Variants in URB1 observed in about 807,000 individuals in gnomAD.
URB1 encodes the protein nucleolar pre-ribosomal-associated protein 1.
Under a neutral mutation model 242.3 loss-of-function variants are expected in URB1, and 197 were observed. The observed-to-expected ratio is 0.81, with a 90% CI of 0.72 to 0.91. URB1 has a LOEUF of 0.91. URB1 is among the 40% of genes least tolerant of loss of function. The pLI is 0.00. For synonymous variants in URB1, 1,153 were observed against 1,201.8 expected, an observed-to-expected ratio of 0.96 and a Z score of 0.84; for missense variants, 2,721 against 2,860.5, an observed-to-expected ratio of 0.95 and a Z score of 1.11.
At chr21:32,339,814 C>G (rs2033008097) in intron 25 of URB1, among the ~76,000 whole-genome samples, 1 of 151,794 alleles carries the variant, frequency 6.6e-6, no homozygotes, top group South Asian at 2.1e-4. Flanking sequence ...TTCTTTATGA[C>G]TCAAACACCA....
At position 32,345,888 on chromosome 21, in the gene URB1, A is replaced by C. The variant is rs146862713; in HGVS notation, c.3869-313T>G. Among the ~76,000 whole-genome samples, 331 of 152,272 alleles carry C rather than the reference A, an allele frequency of 2.2e-3. 1 individual carries two copies. Among genetic ancestry groups the C allele is most frequent in the Non-Finnish European group, 3.3e-3 (222 of 68,002 alleles). On this transcript the variant is annotated intron_variant, in intron 22 of 38. Transcript: ENST00000382751. ...ATGAGTGCCAAGGTTCTCAATTCAT[A>C]TGGGATTCATTCTTCAAAGCCATGG...
rs368817965 is a variant in URB1, at chr21:32,392,998, G to A, written c.-88C>T. ...CACAGACAGCAGACACGCGCTTCAG[G>A]CCCACATGGCGCAGGAAGAGGCGGG... On this transcript the variant is annotated 5_prime_UTR_variant, in exon 1 of 39. Coordinates refer to ENST00000382751, the MANE Select transcript of URB1 (RefSeq NM_014825.3). The A allele has an allele frequency of 7.9e-6, 11 of 1,392,958 alleles. No homozygotes were observed. The highest frequency in any genetic ancestry group is 3.0e-5 in the Admixed American group (1 of 33,552). 86.3% of individuals were successfully genotyped at this position (1,392,958 alleles called of 1,614,324 possible).
At position 32,345,423 on chromosome 21, in the gene URB1, G is replaced by A. The variant is rs905597987; in HGVS notation, c.4021C>T (p.Leu1341Phe). The A allele has an allele frequency of 8.4e-6, 13 of 1,551,526 alleles. No individual in the cohort carries two copies. The highest frequency in any genetic ancestry group is 1.0e-5 in the Non-Finnish European group (12 of 1,146,980). The part of the protein sequence containing the change: ...PFARAKDLSV[L>F]MDRLPSLLHT... ...AGCAAGCTGGGCAGGCGGTCCATGA[G>A]TACACTGAGATCCTTGGCTCGTGCA... The change falls in exon 23 of 39, where the codon CTC becomes TTC. Residue 1341 changes from leucine (L) to phenylalanine (F), a missense_variant. Coordinates refer to ENST00000382751, the MANE Select transcript of URB1 (RefSeq NM_014825.3).
chr21:32,359,948 G>A, intron 13 of URB1, 40 bp from the exon 14 acceptor site: 1 of 1,534,452 alleles, frequency 6.5e-7, no homozygotes, highest in Non-Finnish European at 8.8e-7. Context: ...AAGTCACATG[G>A]ACGTGGGTGC....
intron 1 of URB1, among the ~76,000 whole-genome samples, chr21:32,386,426 C>T (rs1001709725): frequency 2.2e-4 from 34 of 152,206 alleles, no homozygotes; most frequent in African/African-American, 7.2e-4. Flanking sequence ...GCCTTGATCG[C>T]GGACGTGGCC....
chr21:32,337,047 G>A, intron 28 of URB1, 47 bp downstream of exon 28: 4 of 1,517,240 alleles, frequency 2.6e-6, no homozygotes, highest in Non-Finnish European at 3.6e-6. Context: ...TGTGTGGAGA[G>A]CAGGCTGTGA....
At chr21:32,352,207 T>C (rs955239489) in intron 19 of URB1, among the ~76,000 whole-genome samples, 2 of 152,182 alleles carry the variant, frequency 1.3e-5, no homozygotes, top group African/African-American at 4.8e-5. Flanking sequence ...CCCTGCACAT[T>C]GGAGCCAGAA....
chr21:32,337,457 C>T lies in URB1; in HGVS notation c.4568G>A (p.Ser1523Asn). 3 of 1,550,764 alleles carry T rather than the reference C, an allele frequency of 1.9e-6. No individual in the cohort carries two copies. Among genetic ancestry groups the T allele is most frequent in the African/African-American group, 2.7e-5 (2 of 73,078 alleles). Residue 1523 changes from serine to asparagine, a missense_variant, in exon 27 of 39, where the codon AGC becomes AAC. Transcript: ENST00000382751. ...VVEMCPSVCE[S>N]SHFAVLLGAY... ...CCCGAGAAGCACTGCAAAGTGGCTG[C>T]TCTCACAGACAGAGGGGCACATCTC...
At chr21:32,386,263 T>C (rs2033583044) in intron 1 of URB1, among the ~76,000 whole-genome samples, 1 of 152,130 alleles carries the variant, frequency 6.6e-6, no homozygotes, top group South Asian at 2.1e-4. Context: ...GGTGAGGTCC[T>C]GATCTAACAG....
chr21:32,365,070 G>A (rs1276792583), intron 10 of URB1, among the ~76,000 whole-genome samples: 1 of 152,230 alleles, frequency 6.6e-6, no homozygotes, highest in African/African-American at 2.4e-5. Context: ...AAACAACACT[G>A]TGAGAGGAGG....
chr21:32,335,373 T>G (rs1407217737), intron 28 of URB1: 2 of 152,288 alleles, frequency 1.3e-5, no homozygotes, highest in African/African-American at 4.8e-5. Context: ...GGTGCTCCTG[T>G]AAGAGCTGGT....
intron 30 of URB1, 153 bp downstream of exon 30, chr21:32,333,164 G>C (rs1048554117): frequency 4.3e-6 from 3 of 697,022 alleles, no homozygotes; most frequent in African/African-American, 1.8e-5. Context: ...AAAATCACTG[G>C]AATGAACAGA....
intron 8 of URB1, among the ~76,000 whole-genome samples, chr21:32,370,694 C>G (rs7278180): frequency 0.15 from 22,869 of 152,170 alleles, 2,321 homozygotes; most frequent in African/African-American, 0.29. Context: ...CCTACACCAG[C>G]GACTGGCAAA....
At chr21:32,334,065 A>G (rs915979419) in intron 29 of URB1, 98 bp downstream of exon 29, 8 of 1,364,428 alleles carry the variant, frequency 5.9e-6, no homozygotes, top group African/African-American at 1.5e-5. Context: ...TTACTTAATA[A>G]AAAGGTAAAT....
chr21:32,369,972 T>C (rs1315799957), intron 8 of URB1, among the ~76,000 whole-genome samples: 3 of 63,502 alleles, frequency 4.7e-5, no homozygotes, highest in East Asian at 6.2e-4. Flanking sequence ...CGAGTCTCCA[T>C]CTCAAAAAAA....
intron 8 of URB1, among the ~76,000 whole-genome samples, chr21:32,369,981 A>G (rs2123608891): frequency 6.6e-6 from 1 of 151,310 alleles, no homozygotes; most frequent in South Asian, 2.1e-4. Context: ...ATCTCAAAAA[A>G]AAAAAAAAAA....
At chr21:32,323,035 G>A (rs2032786605) in intron 32 of URB1, among the ~76,000 whole-genome samples, 1 of 152,228 alleles carries the variant, frequency 6.6e-6, no homozygotes, top group Non-Finnish European at 1.5e-5. Flanking sequence ...CAGCAACGCA[G>A]AGGGCAACGG....
intron 30 of URB1, among the ~76,000 whole-genome samples, chr21:32,330,064 T>C (rs1417868632): frequency 6.6e-6 from 1 of 152,148 alleles, no homozygotes; most frequent in African/African-American, 2.4e-5. Flanking sequence ...TGCCAGGAAT[T>C]TGCCTCTTCC....
chr21:32,368,706 A>G, intron 8 of URB1, 108 bp from the exon 9 acceptor site: 1 of 937,690 alleles, frequency 1.1e-6, no homozygotes, highest in South Asian at 1.8e-5. Flanking sequence ...GAACACAGCA[A>G]TAACAACGTA....
Sources: gnomAD v4.1 joint callset for allele counts (sites outside exome capture counted in the v4.1 genomes callset) on GRCh38, gnomAD v4.1.1 for gene constraint, MANE v1.5 for transcripts, NCBI Gene and HGNC (gene_info 2026-07-23, HGNC 2026-07-21) for gene names.